CIZ1: variants seen among roughly 807,000 people sequenced by gnomAD.
CIZ1 encodes the protein CDKN1A interacting zinc finger protein 1, also known as cip1-interacting zinc finger protein.
CIZ1 carries 58 observed loss-of-function variants against 118.6 expected under a neutral mutation model. The observed-to-expected ratio is 0.49, with a 90% CI of 0.40 to 0.61. CIZ1 has a LOEUF of 0.61. Ranked by LOEUF, CIZ1 falls within the 20% of genes least tolerant of loss-of-function variation. CIZ1 has a pLI of 0.00. For missense variants in CIZ1, 921 were observed against 1,115.9 expected (o/e 0.83, Z 2.49); for synonymous variants, 448 against 443.4 (o/e 1.01, Z -0.13).
intron 11 of CIZ1, 76 bp from the exon 12 acceptor site, chr9:128,170,183 T>C: frequency 7.8e-7 from 1 of 1,280,634 alleles, no homozygotes; most frequent in African/African-American, 1.5e-5. Context: ...TCCATAAGTG[T>C]AATCCATTCC....
chr9:128,191,733 C>T, upstream of CIZ1: 4 of 1,383,998 alleles, frequency 2.9e-6, no homozygotes, highest in Non-Finnish European at 3.7e-6. The surrounding 1 kb of genome is among the most constrained non-coding windows in gnomAD (Gnocchi z 5.5). Flanking sequence ...GGCTCATACC[C>T]TCTGTCCCGC....
intron 14 of CIZ1, among the ~76,000 whole-genome samples, chr9:128,168,577 T>A (rs1283793489): frequency 2.0e-5 from 3 of 151,604 alleles, no homozygotes; most frequent in Admixed American, 2.0e-4. Context: ...AGCTCCTCAT[T>A]CATGAGAGAC....
Position 128,182,513 on chromosome 9 carries a change from T to C in CIZ1, c.589-1699A>G, listed in dbSNP as rs182210845. 1.1e-3 allele frequency among the ~76,000 whole-genome samples: 171 copies of C among 152,314 alleles called. 1 individual carries two copies. The highest frequency in any genetic ancestry group is 1.3e-3 in the Non-Finnish European group (88 of 68,024). Reference sequence around the variant, plus strand: ...GGCTTAAAGCCCTCCCATGGCTTCCTGCAGCCCTGGTGCACGCCTTACGCC... The same window carrying C: ...GGCTTAAAGCCCTCCCATGGCTTCCCGCAGCCCTGGTGCACGCCTTACGCC... On this transcript the variant is annotated intron_variant, in intron 5 of 16. Transcript: ENST00000372938.
At chr9:128,195,829 G>A (rs1262438469), upstream of CIZ1, among the ~76,000 whole-genome samples, 1 of 151,794 alleles carries the variant, frequency 6.6e-6, no homozygotes, top group Admixed American at 6.6e-5. Context: ...ATAGAATTTT[G>A]TCAAACCTTC....
At position 128,200,836 on chromosome 9, in the gene CIZ1, C is replaced by CAAATAAATAAAT. The variant is rs58614828; in HGVS notation, c.-6+3338_-6+3349dup. ...TGGGAGACAGAGCGAGACTACGTCT[C>CAAATAAATAAAT]AAATAAATAAATAAATAGGCTGGGC... is the stretch of plus-strand genomic sequence containing the variant. On this transcript the variant is annotated intron_variant, in intron 1 of 17. Coordinates refer to the CIZ1 transcript ENST00000372948. 1.0e-3 allele frequency among the ~76,000 whole-genome samples: 156 copies of CAAATAAATAAAT among 149,282 alleles called. 1 individual carries two copies. In the Middle Eastern group the frequency reaches 0.021, roughly 20 times the overall value.
At chr9:128,197,353 G>C (rs1205686899) in intron 1 of CIZ1, 1 of 152,342 alleles carries the variant, frequency 6.6e-6, no homozygotes, top group East Asian at 1.9e-4. Flanking sequence ...ACCCAGCATA[G>C]GCCATAAGGT....
intron 9 of CIZ1, 87 bp from the exon 10 acceptor site, chr9:128,177,850 A>C: frequency 3.4e-4 from 308 of 899,164 alleles, no homozygotes; most frequent in Non-Finnish European, 4.1e-4. Context: ...ACGTTGTCTC[A>C]TCAGATCTTC....
At chr9:128,180,353 G>A (rs1043532325) in intron 7 of CIZ1, 62 bp downstream of exon 7, 14 of 1,262,660 alleles carry the variant, frequency 1.1e-5, no homozygotes, top group Middle Eastern at 1.8e-4. Context: ...TGCCACCCCT[G>A]CCTTTGCAGG....
chr9:128,176,485 G>C lies in CIZ1; in HGVS notation c.1819-10C>G. On this transcript the variant is annotated splice_polypyrimidine_tract_variant and intron_variant, in intron 10 of 16. Transcript: ENST00000372938. ...TGTGGTCCTGGAACTCCTGCAGCAGGAGGGAAAGAGGGATGGGCCTGGGGC... is the reference window on the plus strand; with the variant it reads ...TGTGGTCCTGGAACTCCTGCAGCAGCAGGGAAAGAGGGATGGGCCTGGGGC... 1 of 1,611,476 alleles carries C rather than the reference G, an allele frequency of 6.2e-7. No individual in the cohort carries two copies. Among genetic ancestry groups the C allele is most frequent in the South Asian group, 1.1e-5 (1 of 91,014 alleles).
intron 11 of CIZ1, among the ~76,000 whole-genome samples, chr9:128,171,443 T>C (rs936887025): frequency 7.0e-6 from 1 of 143,222 alleles, no homozygotes; most frequent in Non-Finnish European, 1.5e-5. Flanking sequence ...TAAAATAAAA[T>C]AGGGCCGGGC....
At chr9:128,183,505 T>C (rs1831955403) in intron 5 of CIZ1, among the ~76,000 whole-genome samples, 2 of 152,156 alleles carry the variant, frequency 1.3e-5, no homozygotes, top group Non-Finnish European at 2.9e-5. Context: ...AAAGGGGGCA[T>C]TGCCCCTGCG....
intron 7 of CIZ1, 89 bp downstream of exon 7, chr9:128,180,326 T>A: frequency 1.1e-6 from 1 of 936,010 alleles, no homozygotes; most frequent in Non-Finnish European, 1.7e-6. Flanking sequence ...CACTGAATGG[T>A]GCACCCCCTC....
At position 128,167,161 on chromosome 9, in the gene CIZ1, TCA is replaced by T. The variant is rs1210577956; in HGVS notation, c.2297_2298del (p.Val766GlufsTer60). On this transcript the variant is annotated frameshift_variant and splice_region_variant, in exon 15 of 17. Transcript: ENST00000372938. LOFTEE classifies it high-confidence loss of function. ...TCCTCTCTGGATATATCTCTGGACC[TCA>T]CCTGAAAACATGCAAGTGTGGGCCT... ...IEVEEELCKQ[V>X]RSRDISREEW... The T allele has an allele frequency of 3.8e-6, 6 of 1,581,766 alleles. No individual in the cohort carries two copies. The highest frequency in any genetic ancestry group is 5.2e-6 in the Non-Finnish European group (6 of 1,163,898).
At chr9:128,191,860 T>C, upstream of CIZ1, 3 of 1,474,214 alleles carry the variant, frequency 2.0e-6, no homozygotes, top group South Asian at 1.3e-5. The surrounding 1 kb of genome is among the most constrained non-coding windows in gnomAD (Gnocchi z 5.5). Context: ...CCCACCTCCC[T>C]GCGGCCGCCG....
intron 3 of CIZ1, 120 bp downstream of exon 3, chr9:128,190,209 A>G (rs1588259828): frequency 2.9e-6 from 2 of 701,240 alleles, no homozygotes; most frequent in East Asian, 5.4e-5. Context: ...TCATGAGTGA[A>G]CTAGGATGCC....
chr9:128,203,376 G>T lies in CIZ1; in HGVS notation c.-6+810C>A. The stretch of plus-strand genomic sequence containing the variant: ...CGAGGGGCGGGGGCCCCGCGGCGCA[G>T]GCAGTCTGGGCGCGCGGCTGCAGCG... On this transcript the variant is annotated intron_variant, in intron 1 of 17. Transcript: ENST00000372948. The surrounding 1 kb of genome is among the most constrained non-coding windows in gnomAD (Gnocchi z 5.3). 8.3e-7 allele frequency: 1 copy of T among 1,207,922 alleles called. No individual in the cohort carries two copies. Among genetic ancestry groups the T allele is most frequent in the Non-Finnish European group, 1.0e-6 (1 of 954,942 alleles). The allele number at this position is 1,207,922 out of a possible 1,614,324, so 74.8% of individuals were successfully genotyped here.
At chr9:128,174,572 C>T (rs1476204947) in intron 11 of CIZ1, among the ~76,000 whole-genome samples, 1 of 152,144 alleles carries the variant, frequency 6.6e-6, no homozygotes, top group Admixed American at 6.5e-5. Flanking sequence ...CCGCGAAGAA[C>T]CCCCACTGAT....
chr9:128,177,441 T>C, intron 10 of CIZ1, 125 bp downstream of exon 10: 1 of 655,068 alleles, frequency 1.5e-6, no homozygotes, highest in Admixed American at 3.4e-5. Context: ...TCAGGAAATG[T>C]TTCCCAAGCA....
chr9:128,176,570 T>C, intron 10 of CIZ1, 95 bp from the exon 11 acceptor site: 1 of 1,262,578 alleles, frequency 7.9e-7, no homozygotes, highest in East Asian at 2.4e-5. Flanking sequence ...GCCTCATCAC[T>C]GTGCGCCCAT....
Sources: gnomAD v4.1 joint callset for allele counts (sites outside exome capture counted in the v4.1 genomes callset) on GRCh38, gnomAD v4.1.1 for gene constraint, Gnocchi (gnomAD v3.1) non-coding constraint, MANE v1.5 for transcripts, NCBI Gene and HGNC (gene_info 2026-07-23, HGNC 2026-07-21) for gene names.